KLHL1: variants seen among roughly 807,000 people sequenced by gnomAD.
KLHL1 encodes kelch-like protein 1.
Under a neutral mutation model 77.7 loss-of-function variants are expected in KLHL1, and 47 were observed. That is an observed-to-expected ratio of 0.60 (90% CI 0.48 to 0.77). KLHL1 has a LOEUF of 0.77. Among genes scored for constraint, KLHL1 ranks in the 30% least tolerant of loss-of-function variants. KLHL1 has a pLI of 0.00. For missense variants in KLHL1, 925 were observed against 910.8 expected, an observed-to-expected ratio of 1.02 and a Z score of -0.20; for synonymous variants, 360 against 325.2, an observed-to-expected ratio of 1.11 and a Z score of -1.15.
At chr13:69,842,393 T>A (rs1470530940) in intron 5 of KLHL1, among the ~76,000 whole-genome samples, 1 of 151,772 alleles carries the variant, frequency 6.6e-6, no homozygotes, top group Admixed American at 6.6e-5. Context: ...CATGACTAGG[T>A]ATTTCTCTAA....
intron 4 of KLHL1, among the ~76,000 whole-genome samples, chr13:69,912,765 T>C (rs1287957448): frequency 1.3e-5 from 2 of 152,128 alleles, no homozygotes; most frequent in South Asian, 2.1e-4. Context: ...TCTAGCCTTT[T>C]CTTTTTTTAG....
chr13:70,045,280 T>C (rs4883853), intron 1 of KLHL1, among the ~76,000 whole-genome samples: 61,393 of 151,940 alleles, frequency 0.4, 12,781 homozygotes, highest in East Asian at 0.68. Flanking sequence ...CACAAATACA[T>C]CCTTTTTTGC....
At chr13:70,107,054 T>C in intron 1 of KLHL1, 149 bp downstream of exon 1, 6 of 1,194,226 alleles carry the variant, frequency 5.0e-6, no homozygotes, top group African/African-American at 3.1e-5. Context: ...TGTAATGAAA[T>C]TAGAACTTGA....
At chr13:69,727,705 A>G (rs919288911) in intron 8 of KLHL1, among the ~76,000 whole-genome samples, 2 of 152,182 alleles carry the variant, frequency 1.3e-5, no homozygotes, top group African/African-American at 4.8e-5. Flanking sequence ...TTTATTAAAT[A>G]ATACGTTTCA....
chr13:69,858,601 A>G (rs552599306), intron 5 of KLHL1, among the ~76,000 whole-genome samples: 117 of 152,214 alleles, frequency 7.7e-4, no homozygotes, highest in African/African-American at 2.4e-3. Context: ...TCTTAAAAAC[A>G]TAAACATAGA....
intron 1 of KLHL1, among the ~76,000 whole-genome samples, chr13:70,102,431 C>T (rs985440330): frequency 1.3e-5 from 2 of 152,100 alleles, no homozygotes; most frequent in African/African-American, 4.8e-5. Flanking sequence ...TCATCTTTGA[C>T]TAAGGCTTAT....
At chr13:69,881,631 C>G (rs1036455445) in intron 5 of KLHL1, among the ~76,000 whole-genome samples, 1 of 152,104 alleles carries the variant, frequency 6.6e-6, no homozygotes, top group African/African-American at 2.4e-5. Context: ...AGAGAACTAG[C>G]CACTCTTCTT....
chr13:70,095,299 G>A (rs1887760713), intron 1 of KLHL1, among the ~76,000 whole-genome samples: 2 of 152,134 alleles, frequency 1.3e-5, no homozygotes, highest in Non-Finnish European at 2.9e-5. Flanking sequence ...ATAATGATAT[G>A]CAAGAAAGAG....
chr13:70,013,614 G>T (rs1885588154), intron 1 of KLHL1, among the ~76,000 whole-genome samples: 2 of 151,024 alleles, frequency 1.3e-5, no homozygotes, highest in South Asian at 4.2e-4. Context: ...TTCTGAGTTG[G>T]TGAACAAAAT....
At chr13:70,015,635 A>G (rs1885638830) in intron 1 of KLHL1, among the ~76,000 whole-genome samples, 1 of 151,834 alleles carries the variant, frequency 6.6e-6, no homozygotes, top group African/African-American at 2.4e-5. Flanking sequence ...TTTTATTATA[A>G]AAAAGGCTTT....
chr13:69,967,088 TG>T (rs1884232791), intron 2 of KLHL1, among the ~76,000 whole-genome samples: 2 of 152,318 alleles, frequency 1.3e-5, no homozygotes, highest in South Asian at 4.1e-4. Flanking sequence ...ACAGGTTTTT[TG>T]ATATATTGAT....
intron 1 of KLHL1, among the ~76,000 whole-genome samples, chr13:70,089,153 C>A (rs1887616976): frequency 6.6e-6 from 1 of 152,134 alleles, no homozygotes; most frequent in Non-Finnish European, 1.5e-5. Context: ...GCTATTACTT[C>A]CCAGTTTTCC....
At position 70,078,255 on chromosome 13, in the gene KLHL1, A is replaced by G. The variant is rs371422921; in HGVS notation, c.497+28948T>C. ...TACCAACCAACCACCTTCTTATTAC[A>G]ACATTCACAGTCAGAAAAGGAGATT... On this transcript the variant is annotated intron_variant, in intron 1 of 10. Coordinates refer to ENST00000377844, the MANE Select transcript of KLHL1 (RefSeq NM_020866.3). 7.2e-5 allele frequency among the ~76,000 whole-genome samples: 11 copies of G among 152,098 alleles called. No individual in the cohort carries two copies. In the South Asian group the frequency reaches 1.2e-3, roughly 17 times the overall value.
At chr13:69,967,931 T>C (rs1256702097) in intron 2 of KLHL1, among the ~76,000 whole-genome samples, 4 of 151,534 alleles carry the variant, frequency 2.6e-5, no homozygotes, top group African/African-American at 7.3e-5. Flanking sequence ...ACAAACTTAA[T>C]TGACAGAGCA....
chr13:69,811,205 G>C (rs1354450144), intron 6 of KLHL1, among the ~76,000 whole-genome samples: 1 of 151,910 alleles, frequency 6.6e-6, no homozygotes, highest in Non-Finnish European at 1.5e-5. Context: ...CACCTGATGA[G>C]CATAGAAACA....
intron 3 of KLHL1, among the ~76,000 whole-genome samples, chr13:69,954,505 G>A (rs1022994780): frequency 2.6e-5 from 4 of 151,208 alleles, no homozygotes; most frequent in Non-Finnish European, 4.5e-5. Flanking sequence ...CAAACAGATT[G>A]TTTAAGGAAG....
intron 1 of KLHL1, among the ~76,000 whole-genome samples, chr13:70,037,202 C>T (rs1025158374): frequency 6.6e-6 from 1 of 152,012 alleles, no homozygotes; most frequent in Non-Finnish European, 1.5e-5. Context: ...TTCCTTCATG[C>T]ATTCTTGATA....
chr13:69,714,307 C>T (rs542435738), intron 9 of KLHL1, among the ~76,000 whole-genome samples: 3 of 152,074 alleles, frequency 2.0e-5, no homozygotes, highest in South Asian at 2.1e-4. Context: ...GTTGACAGAA[C>T]AAAAAGAAAA....
chr13:69,918,683 G>A (rs1230226424), intron 4 of KLHL1, among the ~76,000 whole-genome samples: 7 of 151,934 alleles, frequency 4.6e-5, no homozygotes. Context: ...CAAAAGGTCA[G>A]GTTGAACTTA....
Sources: allele counts gnomAD v4.1 joint callset (sites outside exome capture counted in the v4.1 genomes callset), GRCh38; gene constraint gnomAD v4.1.1; transcripts MANE v1.5; gene names NCBI Gene and HGNC (gene_info 2026-07-23, HGNC 2026-07-21).